RGL1: variants seen among roughly 807,000 people sequenced by gnomAD.
RGL1 encodes the protein ral guanine nucleotide dissociation stimulator like 1.
In RGL1, 24 loss-of-function variants were observed where a neutral mutation model predicts 95.2. The observed-to-expected ratio is 0.25, with a 90% CI of 0.18 to 0.35. The LOEUF (loss-of-function observed/expected upper bound fraction) is 0.35. RGL1 is among the 10% of genes least tolerant of loss of function. RGL1 has a pLI of 1.00. For synonymous variants in RGL1, 329 were observed against 344.9 expected (o/e 0.95, Z 0.51); for missense variants, 715 against 936.3 (o/e 0.76, Z 3.08).
chr1:183,748,118 T>G (rs1244798271), intron 2 of RGL1, among the ~76,000 whole-genome samples: 3 of 152,134 alleles, frequency 2.0e-5, no homozygotes, highest in Non-Finnish European at 4.4e-5. Context: ...TGTGTAGAGG[T>G]TTTTATAATA....
chr1:183,895,855 A>C (rs1667667823), intron 9 of RGL1, among the ~76,000 whole-genome samples: 1 of 152,200 alleles, frequency 6.6e-6, no homozygotes, highest in African/African-American at 2.4e-5. Flanking sequence ...GAAATCATAA[A>C]GTCATGGAAT....
rs543948628 is a variant in RGL1 at position 183,795,788 on chromosome 1, G to A, written c.133-10587G>A. Among the ~76,000 whole-genome samples the A allele has an allele frequency of 8.9e-4, 136 of 152,288 alleles. 1 individual carries two copies. Among genetic ancestry groups the A allele is most frequent in the Non-Finnish European group, 1.3e-3 (91 of 68,026 alleles). On this transcript the variant is annotated intron_variant, in intron 2 of 18. Coordinates refer to the RGL1 transcript ENST00000304685. ...AAAGTGGGCAGGAAAATCAAGCTTG[G>A]TGTTTTTCTATGTTGTGTAGCGACT...
intron 1 of RGL1, among the ~76,000 whole-genome samples, chr1:183,698,412 G>A (rs1227678322): frequency 5.9e-5 from 9 of 152,172 alleles, no homozygotes; most frequent in Admixed American, 5.9e-4. Context: ...TTTAGAAACA[G>A]GAAATGATTT....
At chr1:183,678,541 C>T (rs1213441195) in intron 1 of RGL1, among the ~76,000 whole-genome samples, 2 of 152,076 alleles carry the variant, frequency 1.3e-5, no homozygotes, top group Admixed American at 6.5e-5. Context: ...GAATGTTTCT[C>T]TCTCACTTGT....
At chr1:183,640,363 G>A (rs1029614313) in intron 1 of RGL1, among the ~76,000 whole-genome samples, 3 of 151,980 alleles carry the variant, frequency 2.0e-5, no homozygotes, top group Admixed American at 6.6e-5. Context: ...CTTTTATCTC[G>A]TCCATGCAAT....
chr1:183,729,218 ATAT>A (rs1203010679), intron 1 of RGL1, among the ~76,000 whole-genome samples: 3 of 151,984 alleles, frequency 2.0e-5, no homozygotes, highest in African/African-American at 7.3e-5. Context: ...ATACTATTTT[ATAT>A]TATAAGGACT....
intron 2 of RGL1, among the ~76,000 whole-genome samples, chr1:183,776,465 CAT>C (rs975076830): frequency 9.3e-5 from 14 of 151,226 alleles, no homozygotes; most frequent in Non-Finnish European, 1.5e-4. Flanking sequence ...TTTTTTAAAA[CAT>C]GTGATCAGAG....
Position 183,927,092 on chromosome 1 carries a change from A to G in RGL1, c.*800A>G, listed in dbSNP as rs1393913609. 6.6e-6 allele frequency: 1 copy of G among 152,568 alleles called. No individual in the cohort carries two copies. The highest frequency in any genetic ancestry group is 2.4e-5 in the African/African-American group (1 of 41,406). The allele number at this position is 152,568 out of a possible 1,614,324, so 9.5% of individuals were successfully genotyped here. A position where few individuals can be genotyped will look rare whatever the true frequency, so the allele number is the denominator to read the frequency against. On this transcript the variant is annotated 3_prime_UTR_variant, in exon 18 of 18. Transcript: ENST00000360851. ...CCCGTGTATTTCCGTTTTCCCCCTA[A>G]AGAACATATCATAATCATTGCACAA...
intron 1 of RGL1, among the ~76,000 whole-genome samples, chr1:183,727,220 T>G (rs1335218802): frequency 2.6e-5 from 4 of 152,162 alleles, no homozygotes; most frequent in Non-Finnish European, 5.9e-5. Flanking sequence ...AATTAATGAA[T>G]GTAGTTCATC....
chr1:183,656,917 C>G (rs145097885), intron 1 of RGL1, among the ~76,000 whole-genome samples: 1 of 151,148 alleles, frequency 6.6e-6, no homozygotes, highest in Non-Finnish European at 1.5e-5. Context: ...TTATTATGCT[C>G]TAGCCAAACT....
intron 2 of RGL1, among the ~76,000 whole-genome samples, chr1:183,831,017 C>T (rs1663223498): frequency 6.6e-6 from 1 of 152,110 alleles, no homozygotes. Flanking sequence ...TTATTTTATG[C>T]ACCAGAGACA....
At chr1:183,805,745 T>G (rs1230554007) in intron 1 of RGL1, among the ~76,000 whole-genome samples, 1 of 152,132 alleles carries the variant, frequency 6.6e-6, no homozygotes, top group Non-Finnish European at 1.5e-5. Flanking sequence ...CTTGCCAGAT[T>G]ATTTTACGGA....
intron 1 of RGL1, among the ~76,000 whole-genome samples, chr1:183,679,839 A>G (rs945817638): frequency 7.2e-5 from 11 of 152,330 alleles, no homozygotes; most frequent in African/African-American, 2.6e-4. Context: ...CTAACAGTGT[A>G]AAAGTGTTCC....
chr1:183,669,284 T>A (rs1049219190), intron 1 of RGL1, among the ~76,000 whole-genome samples: 4 of 152,214 alleles, frequency 2.6e-5, no homozygotes, highest in Non-Finnish European at 5.9e-5. Context: ...AGTCTACTAA[T>A]GGGTTCATCA....
rs112017110 is a variant in RGL1 at position 183,815,074 on chromosome 1, C to T, written c.138+8589C>T. On this transcript the variant is annotated intron_variant, in intron 2 of 17. Transcript: ENST00000360851. ...ATCACTTGAGGTCAAGAGTTCAAGACCAGCCTGGCCAACATGGTGAAAACC... is the reference window on the plus strand; with the variant it reads ...ATCACTTGAGGTCAAGAGTTCAAGATCAGCCTGGCCAACATGGTGAAAACC... Among the ~76,000 whole-genome samples, 189 of 152,242 alleles carry T rather than the reference C, an allele frequency of 1.2e-3. 1 individual carries two copies. The highest frequency in any genetic ancestry group is 4.3e-3 in the African/African-American group (179 of 41,542).
intron 1 of RGL1, among the ~76,000 whole-genome samples, chr1:183,684,333 G>T (rs1456850251): frequency 6.6e-6 from 1 of 152,144 alleles, no homozygotes; most frequent in Non-Finnish European, 1.5e-5. Flanking sequence ...TGATGCTGGT[G>T]ACTTTGGATG....
rs766239411 is a variant in RGL1 at position 183,647,920 on chromosome 1, T to C, written c.-33+11419T>C. ...ACTAGCACAAAAACAACAGGAGCCCTGAGGTCTGGAGGTAGGTTGGGTTGG... is the reference window on the plus strand; with the variant it reads ...ACTAGCACAAAAACAACAGGAGCCCCGAGGTCTGGAGGTAGGTTGGGTTGG... On this transcript the variant is annotated intron_variant, in intron 1 of 18. Coordinates refer to the RGL1 transcript ENST00000304685. The C allele has an allele frequency of 3.1e-6, 5 of 1,614,190 alleles. No individual in the cohort carries two copies. In the Admixed American group the frequency reaches 8.3e-5, roughly 27 times the overall value.
chr1:183,735,292 C>G (rs981173953), intron 1 of RGL1, among the ~76,000 whole-genome samples: 1 of 152,182 alleles, frequency 6.6e-6, no homozygotes, highest in Non-Finnish European at 1.5e-5. Context: ...CATTTGGAGA[C>G]ACTATATAAT....
intron 14 of RGL1, among the ~76,000 whole-genome samples, chr1:183,909,589 C>T (rs547761103): frequency 6.6e-6 from 1 of 152,116 alleles, no homozygotes; most frequent in East Asian, 1.9e-4. Context: ...CTTGAAGGGT[C>T]ATAAAAGGAA....
Sources: allele counts gnomAD v4.1 joint callset (sites outside exome capture counted in the v4.1 genomes callset), GRCh38; gene constraint gnomAD v4.1.1; transcripts MANE v1.5; gene names NCBI Gene and HGNC (gene_info 2026-07-23, HGNC 2026-07-21).